GOLGA1: variants seen among roughly 807,000 people sequenced by gnomAD.
GOLGA1 encodes the protein golgin subfamily A member 1.
A neutral mutation model predicts 119.7 loss-of-function variants in GOLGA1; 63 were observed. The ratio of observed to expected loss-of-function variants is 0.53; its 90% confidence interval spans 0.43 to 0.65. The LOEUF is 0.65. Ranked by LOEUF, GOLGA1 falls within the 30% of genes least tolerant of loss-of-function variation. The pLI is 0.00. For synonymous variants in GOLGA1, 318 were observed against 333.4 expected, an observed-to-expected ratio of 0.95 and a Z score of 0.50; for missense variants, 798 against 912.8, an observed-to-expected ratio of 0.87 and a Z score of 1.62.
rs1295653592 is a variant in GOLGA1, at chr9:124,881,529, C to G, written c.2136+255G>C. The stretch of plus-strand genomic sequence containing the variant: ...GTGGATTCCGTTCCCGGCTTCCGGC[C>G]TCTGGCCTCAGCACCCAGGCCAGGA... On this transcript the variant is annotated intron_variant, in intron 21 of 22. Coordinates refer to ENST00000373555, the MANE Select transcript of GOLGA1 (RefSeq NM_002077.4). The surrounding 1 kb of genome is among the most constrained non-coding windows in gnomAD (Gnocchi z 4.9). Among the ~76,000 whole-genome samples the G allele has an allele frequency of 6.6e-6, 1 of 152,242 alleles. No homozygotes were observed. The highest frequency in any genetic ancestry group is 1.5e-5 in the Non-Finnish European group (1 of 68,048).
chr9:124,901,332 G>A (rs147743388), intron 12 of GOLGA1, among the ~76,000 whole-genome samples: 242 of 145,320 alleles, frequency 1.7e-3, no homozygotes, highest in African/African-American at 5.9e-3. Context: ...GTGCAGTGGC[G>A]TGATCTCAGC....
intron 5 of GOLGA1, 68 bp downstream of exon 5, chr9:124,929,148 T>C: frequency 1.1e-6 from 1 of 878,498 alleles, no homozygotes; most frequent in Non-Finnish European, 1.9e-6. Flanking sequence ...AACTTAACCA[T>C]ACACTATTGT....
chr9:124,902,102 G>T (rs1830118732), intron 12 of GOLGA1, among the ~76,000 whole-genome samples: 1 of 152,140 alleles, frequency 6.6e-6, no homozygotes, highest in South Asian at 2.1e-4. Context: ...TGGCCTTGGG[G>T]AGCTTTATTA....
chr9:124,901,557 C>T (rs945741440), intron 12 of GOLGA1, among the ~76,000 whole-genome samples: 2 of 5,042 alleles, frequency 4.0e-4, no homozygotes, highest in Non-Finnish European at 0.026. Flanking sequence ...ACCTCAGCCT[C>T]CTGAGTAGCT....
chr9:124,918,937 T>C (rs939529494), intron 10 of GOLGA1, among the ~76,000 whole-genome samples: 1 of 151,964 alleles, frequency 6.6e-6, no homozygotes, highest in Non-Finnish European at 1.5e-5. Flanking sequence ...ACTTCCCCTA[T>C]GGTATATCTT....
intron 19 of GOLGA1, among the ~76,000 whole-genome samples, chr9:124,885,151 A>C (rs985223342): frequency 6.6e-6 from 1 of 152,264 alleles, no homozygotes; most frequent in Non-Finnish European, 1.5e-5. Flanking sequence ...ACATGGTGAA[A>C]CCCCATCTCT....
At chr9:124,924,774 C>T (rs2131501596) in intron 7 of GOLGA1, among the ~76,000 whole-genome samples, 1 of 150,720 alleles carries the variant, frequency 6.6e-6, no homozygotes. Flanking sequence ...ATATAGGTGT[C>T]TCATTACTAT....
rs760267873 is a variant in GOLGA1, at chr9:124,889,492, C to A, written c.1542G>T (p.Leu514=). The part of the protein sequence containing the change: ...TAIIDEKEQN[L]REKTEVLLQK... ...GGAGAAGCACTTCGGTTTTTTCCCG[C>A]AGATTCTGTTCCTTCTCGTCTATTA... is the stretch of plus-strand genomic sequence containing the variant. The change falls in exon 17 of 23, where the codon CTG becomes CTT. Residue 514 remains leucine, a synonymous_variant. Coordinates refer to ENST00000373555, the MANE Select transcript of GOLGA1 (RefSeq NM_002077.4). 1 of 1,613,910 alleles carries A rather than the reference C, an allele frequency of 6.2e-7. No homozygotes were observed. Among genetic ancestry groups the A allele is most frequent in the Non-Finnish European group, 8.5e-7 (1 of 1,179,884 alleles).
At chr9:124,904,343 T>C (rs1346938781) in intron 12 of GOLGA1, among the ~76,000 whole-genome samples, 1 of 152,096 alleles carries the variant, frequency 6.6e-6, no homozygotes, top group Admixed American at 6.5e-5. Flanking sequence ...TGAAAAAGTT[T>C]TGGAGATGGA....
At chr9:124,917,706 A>G (rs911983384) in intron 10 of GOLGA1, among the ~76,000 whole-genome samples, 1 of 152,020 alleles carries the variant, frequency 6.6e-6, no homozygotes, top group Non-Finnish European at 1.5e-5. Context: ...GAATGTGCTA[A>G]TCCTTTTATT....
chr9:124,890,516 TCA>T (rs1351645854), intron 15 of GOLGA1, 38 bp from the exon 16 acceptor site: 1 of 1,500,174 alleles, frequency 6.7e-7, no homozygotes, highest in Admixed American at 1.7e-5. Context: ...AAAACTTAGT[TCA>T]CAGTTTTTTA....
chr9:124,921,582 G>C, intron 9 of GOLGA1, 141 bp downstream of exon 9: 1 of 726,312 alleles, frequency 1.4e-6, no homozygotes, highest in Non-Finnish European at 2.4e-6. Flanking sequence ...CTGAGTCCTA[G>C]GCAGGTAAGG....
intron 16 of GOLGA1, 35 bp downstream of exon 16, chr9:124,890,354 G>T: frequency 7.2e-7 from 1 of 1,391,878 alleles, no homozygotes; most frequent in Non-Finnish European, 1.0e-6. Context: ...GGGACTGCAG[G>T]GGGACATCGC....
intron 10 of GOLGA1, among the ~76,000 whole-genome samples, chr9:124,914,335 A>C (rs1295598323): frequency 6.6e-6 from 1 of 152,130 alleles, no homozygotes; most frequent in Admixed American, 6.5e-5. Context: ...ATCTCTACTA[A>C]AAATACAAAA....
At chr9:124,887,100 G>A (rs1200110587) in intron 19 of GOLGA1, among the ~76,000 whole-genome samples, 5 of 152,186 alleles carry the variant, frequency 3.3e-5, no homozygotes, top group Non-Finnish European at 5.9e-5. Context: ...CCAGAGGACC[G>A]CAGGTGTCGG....
chr9:124,938,399 C>A (rs111966362), intron 3 of GOLGA1, among the ~76,000 whole-genome samples, 178 bp downstream of exon 3: 2,550 of 151,850 alleles, frequency 0.017, 70 homozygotes, highest in African/African-American at 0.059. Flanking sequence ...ATATAGAGTA[C>A]CTTAACATTT....
In GOLGA1 at chr9:124,881,132, G is replaced by A. The variant is rs369278961; in HGVS notation, c.2223+39C>T. ...TGCTACTGCTGGGATAACTGACAAC[G>A]TATCTTGGAAGCTGGAACAGTAGAC... On this transcript the variant is annotated intron_variant, in intron 22 of 22. Coordinates refer to ENST00000373555, the MANE Select transcript of GOLGA1 (RefSeq NM_002077.4). The surrounding 1 kb of genome is among the most constrained non-coding windows in gnomAD (Gnocchi z 4.9). 421 of 1,070,632 alleles carry A rather than the reference G, an allele frequency of 3.9e-4. 4 individuals are homozygous for A. Among genetic ancestry groups the A allele is most frequent in the Admixed American group, 2.1e-3 (125 of 59,388 alleles). 66.3% of individuals were successfully genotyped at this position (1,070,632 alleles called of 1,614,324 possible).
intron 14 of GOLGA1, 42 bp downstream of exon 14, chr9:124,899,287 C>T (rs371412587): frequency 8.1e-5 from 123 of 1,510,826 alleles, no homozygotes; most frequent in Non-Finnish European, 1.1e-4. Flanking sequence ...TGTGGGGGAC[C>T]CTGGTGCTCC....
Position 124,938,589 on chromosome 9 carries a change from T to A in GOLGA1, c.123A>T (p.Ser41=). The A allele has an allele frequency of 6.2e-7, 1 of 1,612,748 alleles. No individual in the cohort carries two copies. The highest frequency in any genetic ancestry group is 8.5e-7 in the Non-Finnish European group (1 of 1,178,946). The change falls in exon 3 of 23, where the codon TCA becomes TCT. Residue 41 remains serine (S), a synonymous_variant. Transcript: ENST00000373555. ...KESVASMGAD[S]GDDFASDGSS... ...TAAAGGTACTTACAAAGTCATCTCCTGAGTCAGCTCCCATTGAGGCAACTG... is the reference window on the plus strand; with the variant it reads ...TAAAGGTACTTACAAAGTCATCTCCAGAGTCAGCTCCCATTGAGGCAACTG...
Sources: allele counts gnomAD v4.1 joint callset (sites outside exome capture counted in the v4.1 genomes callset), GRCh38; gene constraint gnomAD v4.1.1; non-coding constraint Gnocchi (gnomAD v3.1); transcripts MANE v1.5; gene names NCBI Gene and HGNC (gene_info 2026-07-23, HGNC 2026-07-21).